KCNIP4: variants seen among roughly 807,000 people sequenced by gnomAD.
KCNIP4 encodes the protein potassium voltage-gated channel interacting protein 4, also known as Kv channel-interacting protein 4.
In KCNIP4, 12 loss-of-function variants were observed where a neutral mutation model predicts 34.0. The ratio of observed to expected loss-of-function variants is 0.35; its 90% CI spans 0.23 to 0.57. KCNIP4 has a LOEUF of 0.57. Ranked by LOEUF, KCNIP4 falls within the 20% of genes least tolerant of loss-of-function variation. KCNIP4 has a pLI of 0.83. For synonymous variants in KCNIP4, 124 were observed against 102.2 expected (o/e 1.21, Z -1.29); for missense variants, 238 against 311.7 (o/e 0.76, Z 1.78).
chr4:21,420,490 A>G (rs1181393041), intron 1 of KCNIP4, among the ~76,000 whole-genome samples: 1 of 152,178 alleles, frequency 6.6e-6, no homozygotes, highest in African/African-American at 2.4e-5. Context: ...AAAGCATTCA[A>G]TATCTTCCTA....
intron 1 of KCNIP4, among the ~76,000 whole-genome samples, chr4:21,674,722 G>A (rs1220564199): frequency 6.6e-6 from 1 of 152,078 alleles, no homozygotes; most frequent in East Asian, 1.9e-4. Flanking sequence ...AGATACAACA[G>A]CCTTGGCAGT....
rs1763493602 is a variant in KCNIP4, at chr4:21,291,861, AAAAAAAAAAGAAAGAAAGAAAG to A, written c.62-409174_62-409153del. The stretch of plus-strand genomic sequence containing the variant: ...AGAGTTAGACTCCGCCTCAAAAAAA[AAAAAAAAAAGAAAGAAAGAAAG>A]AAAGAAAGAAAGAAAGAAAGAAAGA... On this transcript the variant is annotated intron_variant, in intron 1 of 8. Coordinates refer to ENST00000382152, the MANE Select transcript of KCNIP4 (RefSeq NM_025221.6). Among the ~76,000 whole-genome samples, 6 of 118,944 alleles carry A rather than the reference AAAAAAAAAAGAAAGAAAGAAAG, an allele frequency of 5.0e-5. No individual in the cohort carries two copies. In the South Asian group the frequency reaches 1.2e-3, roughly 23 times the overall value. The allele number at this position is 118,944 out of a possible 152,430, so 78.0% of individuals were successfully genotyped here. A position where few individuals can be genotyped will look rare whatever the true frequency, so the allele number is the denominator to read the frequency against.
At chr4:21,417,711 T>C (rs1469690394) in intron 1 of KCNIP4, among the ~76,000 whole-genome samples, 2 of 152,116 alleles carry the variant, frequency 1.3e-5, no homozygotes, top group African/African-American at 2.4e-5. Flanking sequence ...AGTCCTCGGA[T>C]TTTTCTCCCT....
intron 1 of KCNIP4, among the ~76,000 whole-genome samples, chr4:20,995,194 C>A (rs1443506062): frequency 6.6e-6 from 1 of 152,164 alleles, no homozygotes; most frequent in African/African-American, 2.4e-5. Context: ...TAAAAACAGG[C>A]ATTCTGGCTC....
chr4:21,015,861 A>ATATATT (rs1209671957), intron 1 of KCNIP4, among the ~76,000 whole-genome samples: 3 of 141,452 alleles, frequency 2.1e-5, no homozygotes, highest in Non-Finnish European at 4.6e-5. Context: ...AAATATATAC[A>ATATATT]ATATATAAAA....
In KCNIP4 at chr4:21,383,529, G is replaced by C. The variant is rs73804808; in HGVS notation, c.62-500820C>G. Among the ~76,000 whole-genome samples, 1,247 of 148,966 alleles carry C rather than the reference G, an allele frequency of 8.4e-3. 29 individuals are homozygous for C. The highest frequency in any genetic ancestry group is 0.029 in the African/African-American group (1,174 of 40,646). Reference sequence around the variant, plus strand: ...AAAAAAAAAAAAAGAGGGTGGAAGAGTTTTAGAAAAAGAATGCATGCAATT... The same window carrying C: ...AAAAAAAAAAAAAGAGGGTGGAAGACTTTTAGAAAAAGAATGCATGCAATT... On this transcript the variant is annotated intron_variant, in intron 1 of 8. Transcript: ENST00000382152.
intron 1 of KCNIP4, among the ~76,000 whole-genome samples, chr4:21,759,864 C>G (rs1431564246): frequency 6.6e-6 from 1 of 152,032 alleles, no homozygotes; most frequent in African/African-American, 2.4e-5. Flanking sequence ...GGAATTATAA[C>G]ACAAGTCAAA....
intron 1 of KCNIP4, among the ~76,000 whole-genome samples, chr4:21,919,524 C>T (rs1184805311): frequency 6.6e-6 from 1 of 152,148 alleles, no homozygotes; most frequent in African/African-American, 2.4e-5. Context: ...GTAGCCTACC[C>T]AATGGCCATT....
chr4:20,913,888 G>A (rs1728564735), intron 1 of KCNIP4, among the ~76,000 whole-genome samples: 1 of 152,016 alleles, frequency 6.6e-6, no homozygotes, highest in African/African-American at 2.4e-5. Flanking sequence ...AGGCGCGGTG[G>A]CTCATGCCTG....
chr4:21,460,145 T>C (rs551747260), intron 1 of KCNIP4, among the ~76,000 whole-genome samples: 1 of 146,858 alleles, frequency 6.8e-6, no homozygotes, highest in African/African-American at 2.5e-5. Context: ...TATTGCTCTT[T>C]CCTCCATTCA....
At chr4:21,078,536 T>C (rs1175040749) in intron 1 of KCNIP4, among the ~76,000 whole-genome samples, 6 of 152,138 alleles carry the variant, frequency 3.9e-5, no homozygotes, top group Non-Finnish European at 8.8e-5. Flanking sequence ...ATGAGGACTC[T>C]ACCCTCATGA....
chr4:21,910,596 T>C (rs530451814), intron 1 of KCNIP4, among the ~76,000 whole-genome samples: 204 of 152,286 alleles, frequency 1.3e-3, no homozygotes, highest in Middle Eastern at 3.4e-3. Context: ...AAGCATGACA[T>C]CTACAGATGC....
At chr4:21,649,610 A>G (rs1261419004) in intron 1 of KCNIP4, among the ~76,000 whole-genome samples, 2 of 152,214 alleles carry the variant, frequency 1.3e-5, no homozygotes, top group Non-Finnish European at 2.9e-5. Flanking sequence ...CCTGTAGGGT[A>G]ATAATTTGTA....
chr4:20,785,387 G>A (rs1436459898), intron 3 of KCNIP4, among the ~76,000 whole-genome samples: 3 of 146,900 alleles, frequency 2.0e-5, no homozygotes, highest in Non-Finnish European at 4.5e-5. Context: ...CCTTGGGAAT[G>A]GATTGATGAC....
intron 3 of KCNIP4, among the ~76,000 whole-genome samples, chr4:20,763,185 A>T (rs1424067047): frequency 6.6e-6 from 1 of 152,200 alleles, no homozygotes; most frequent in Non-Finnish European, 1.5e-5. Context: ...ACCTAACCTG[A>T]AAATCTGAAA....
intron 1 of KCNIP4, among the ~76,000 whole-genome samples, chr4:21,133,034 T>C (rs1272325115): frequency 6.6e-6 from 1 of 151,812 alleles, no homozygotes; most frequent in Non-Finnish European, 1.5e-5. Context: ...AAAAATGTTT[T>C]GCAAATGTCA....
At chr4:21,053,939 T>C (rs1303606014) in intron 1 of KCNIP4, among the ~76,000 whole-genome samples, 4 of 152,192 alleles carry the variant, frequency 2.6e-5, no homozygotes, top group Non-Finnish European at 5.9e-5. Context: ...TTCTTCCCAA[T>C]TTGATCTACA....
intron 1 of KCNIP4, among the ~76,000 whole-genome samples, chr4:21,350,314 G>T (rs1488456638): frequency 6.6e-6 from 1 of 151,954 alleles, no homozygotes; most frequent in African/African-American, 2.4e-5. Context: ...GAATCTCTTG[G>T]CACCATAAAA....
chr4:21,093,293 C>A (rs964685000), intron 1 of KCNIP4, among the ~76,000 whole-genome samples: 4 of 152,198 alleles, frequency 2.6e-5, no homozygotes, highest in Admixed American at 1.3e-4. Context: ...AAATGAGTTA[C>A]CTTCCTAATA....
Sources: gnomAD v4.1 joint callset for allele counts (sites outside exome capture counted in the v4.1 genomes callset) on GRCh38, gnomAD v4.1.1 for gene constraint, MANE v1.5 for transcripts, NCBI Gene and HGNC (gene_info 2026-07-23, HGNC 2026-07-21) for gene names.